The following GLT8D2 variants were observed in gnomAD, a reference collection of about 807,000 sequenced individuals.
The protein encoded by GLT8D2 is glycosyltransferase 8 domain containing 2, also known as glycosyltransferase 8 domain-containing protein 2.
A neutral mutation model predicts 44.5 loss-of-function variants in GLT8D2; 45 were observed. The ratio of observed to expected loss-of-function variants is 1.01; its 90% CI spans 0.80 to 1.30. The LOEUF is 1.30. Among genes scored for constraint, GLT8D2 ranks in the 50% most tolerant of loss-of-function variants. The pLI is 0.00. For synonymous variants in GLT8D2, 156 were observed against 157.2 expected (o/e 0.99, Z 0.06); for missense variants, 400 against 430.4 (o/e 0.93, Z 0.62).
chr12:104,035,129 A>G (rs1407551704), intron 1 of GLT8D2, among the ~76,000 whole-genome samples: 1 of 152,156 alleles, frequency 6.6e-6, no homozygotes, highest in African/African-American at 2.4e-5. Flanking sequence ...AACACCAACA[A>G]AAAGGACATC....
intron 1 of GLT8D2, among the ~76,000 whole-genome samples, chr12:104,029,542 C>T (rs373847352): frequency 6.6e-5 from 10 of 152,162 alleles, no homozygotes; most frequent in East Asian, 3.9e-4. Context: ...TGAGACAATG[C>T]TAATGTGGCT....
In GLT8D2 at chr12:103,996,826, TC is replaced by T. The variant is rs1262329362; in HGVS notation, c.508del (p.Asp170ThrfsTer24). On this transcript the variant is annotated frameshift_variant, in exon 8 of 11. Coordinates refer to ENST00000360814, the MANE Select transcript of GLT8D2 (RefSeq NM_001384711.1). LOFTEE classifies it high-confidence loss of function. ...IVQGDIQELY[D>X]TTLALGHAAA... ...CGCGTGGCCCAGGGCCAAGGTGGTG[TC>T]ATACAGTTCTTGGATATCACCTGAA... The T allele has an allele frequency of 6.2e-7, 1 of 1,613,068 alleles. No individual in the cohort carries two copies. Among genetic ancestry groups the T allele is most frequent in the Non-Finnish European group, 8.5e-7 (1 of 1,179,558 alleles).
intron 1 of GLT8D2, among the ~76,000 whole-genome samples, chr12:104,022,219 G>A (rs1296795932): frequency 2.0e-5 from 3 of 152,090 alleles, no homozygotes; most frequent in African/African-American, 2.4e-5. Flanking sequence ...TGTGGGATGA[G>A]AAAGTTTATC....
chr12:104,040,109 G>A (rs1880367057), intron 1 of GLT8D2, among the ~76,000 whole-genome samples: 5 of 152,132 alleles, frequency 3.3e-5, no homozygotes, highest in Admixed American at 3.3e-4. Context: ...AGAACACTAG[G>A]ACATAGGACA....
At chr12:104,050,900 C>A (rs1881656178), upstream of GLT8D2, among the ~76,000 whole-genome samples, 1 of 151,340 alleles carries the variant, frequency 6.6e-6, no homozygotes, top group African/African-American at 2.4e-5. Flanking sequence ...CTGCAACCTC[C>A]GCCTCCCCGG....
At position 104,010,809 on chromosome 12, in the gene GLT8D2, G is replaced by T. The variant is rs563254474; in HGVS notation, c.112+4204C>A. Among the ~76,000 whole-genome samples, 129 of 152,310 alleles carry T rather than the reference G, an allele frequency of 8.5e-4. 1 individual carries two copies. The highest frequency in any genetic ancestry group is 3.4e-3 in the Middle Eastern group (1 of 294). ...TGGAAGTGCTTAATGAAAGTTTGCT[G>T]GAATGAACTAAATGGAATTGATGAA... is the stretch of plus-strand genomic sequence containing the variant. On this transcript the variant is annotated intron_variant, in intron 4 of 10. Coordinates refer to ENST00000360814, the MANE Select transcript of GLT8D2 (RefSeq NM_001384711.1).
intron 1 of GLT8D2, among the ~76,000 whole-genome samples, chr12:104,022,080 A>AAAAAG (rs1877972346): frequency 1.5e-5 from 2 of 134,130 alleles, no homozygotes; most frequent in Non-Finnish European, 3.1e-5. Context: ...GAAAGAAAAA[A>AAAAAG]AAAGAAAGAA....
At chr12:104,010,210 C>A (rs1377051661) in intron 4 of GLT8D2, among the ~76,000 whole-genome samples, 6 of 152,068 alleles carry the variant, frequency 3.9e-5, no homozygotes. Flanking sequence ...GCCTGGCACA[C>A]AAGACCCCTC....
intron 1 of GLT8D2, among the ~76,000 whole-genome samples, chr12:104,047,011 T>C (rs898169539): frequency 6.6e-6 from 1 of 151,950 alleles, no homozygotes; most frequent in African/African-American, 2.4e-5. Context: ...ATTTTTTTTG[T>C]AGAGACAGAG....
intron 3 of GLT8D2, among the ~76,000 whole-genome samples, chr12:104,015,663 C>A (rs146584062): frequency 5.3e-4 from 81 of 152,204 alleles, no homozygotes; most frequent in African/African-American, 1.8e-3. Context: ...ATTTGTATAT[C>A]AGTTCTAATA....
At chr12:103,990,540 ACTTT>A (rs1476066928) in intron 10 of GLT8D2, among the ~76,000 whole-genome samples, 2 of 152,236 alleles carry the variant, frequency 1.3e-5, no homozygotes, top group East Asian at 1.9e-4. Flanking sequence ...ATAGTGTTCG[ACTTT>A]CTTTCCATGA....
At chr12:104,046,015 A>T (rs1449016791) in intron 1 of GLT8D2, among the ~76,000 whole-genome samples, 4 of 152,178 alleles carry the variant, frequency 2.6e-5, no homozygotes, top group African/African-American at 9.7e-5. Context: ...TGGTTATAGT[A>T]TGGTAGGGAG....
rs1312536091 is a variant in GLT8D2, at chr12:103,997,492, TG to T, written c.445del (p.His149ThrfsTer11). 3.1e-6 allele frequency: 5 copies of T among 1,613,672 alleles called. No homozygotes were observed. The African/African-American group carries it at 6.7e-5, about 22-fold the overall frequency. On this transcript the variant is annotated frameshift_variant, in exon 7 of 11. Coordinates refer to ENST00000360814, the MANE Select transcript of GLT8D2 (RefSeq NM_001384711.1). LOFTEE classifies it high-confidence loss of function. ...ATCGTCCAAATAGATGACTTTCTCG[TG>T]TTGGTGGATAAGTAGAGGGAGATAA... is the stretch of plus-strand genomic sequence containing the variant. ...RFYLPLLIHQ[H>X]EKVIYLDDDV...
chr12:104,059,471 A>T (rs1882445664), intron 1 of GLT8D2, among the ~76,000 whole-genome samples: 1 of 152,202 alleles, frequency 6.6e-6, no homozygotes, highest in Non-Finnish European at 1.5e-5. Flanking sequence ...AGGAAAGAGT[A>T]AGAGAAAGGA....
intron 4 of GLT8D2, among the ~76,000 whole-genome samples, chr12:104,006,836 C>A (rs1035765633): frequency 6.6e-6 from 1 of 152,142 alleles, no homozygotes; most frequent in African/African-American, 2.4e-5. Context: ...CTTACAGGAG[C>A]CAGTTGGCTA....
intron 1 of GLT8D2, among the ~76,000 whole-genome samples, chr12:104,027,680 T>C (rs1042838218): frequency 2.6e-5 from 4 of 152,224 alleles, no homozygotes; most frequent in Admixed American, 6.5e-5. Context: ...GTACATTATC[T>C]CCTTTAATTC....
In GLT8D2 at chr12:104,003,004, G is replaced by C. The variant is rs893829143; in HGVS notation, c.284+131C>G. Reference sequence around the variant, plus strand: ...AGAGAGAGAGACAGAAAGAGAGAGGGAGAGAAAGAGAGAAAGGGAGAGAAG... The same window carrying C: ...AGAGAGAGAGACAGAAAGAGAGAGGCAGAGAAAGAGAGAAAGGGAGAGAAG... On this transcript the variant is annotated intron_variant, in intron 5 of 10. Coordinates refer to ENST00000360814, the MANE Select transcript of GLT8D2 (RefSeq NM_001384711.1). 9.2e-6 allele frequency: 6 copies of C among 652,660 alleles called. No individual in the cohort carries two copies. In the African/African-American group the frequency reaches 9.4e-5, roughly 10 times the overall value. The allele number at this position is 652,660 out of a possible 1,614,324, so 40.4% of individuals were successfully genotyped here. A position where few individuals can be genotyped will look rare whatever the true frequency, so the allele number is the denominator to read the frequency against.
intron 9 of GLT8D2, 193 bp downstream of exon 9, chr12:103,994,142 A>T: frequency 4.8e-6 from 2 of 418,190 alleles, no homozygotes; most frequent in Non-Finnish European, 8.3e-6. Context: ...CAGGATCTTG[A>T]TTCCTCTGAT....
chr12:104,019,723 A>C lies in GLT8D2; in HGVS notation c.-28-47T>G, dbSNP rs1482192288. 7.8e-6 allele frequency: 10 copies of C among 1,274,026 alleles called. No homozygotes were observed. In the East Asian group the frequency reaches 2.3e-4, roughly 30 times the overall value. The allele number at this position is 1,274,026 out of a possible 1,614,324, so 78.9% of individuals were successfully genotyped here. On this transcript the variant is annotated intron_variant, in intron 2 of 10. Coordinates refer to ENST00000360814, the MANE Select transcript of GLT8D2 (RefSeq NM_001384711.1). The stretch of plus-strand genomic sequence containing the variant: ...ATCTGTTTAAAGGAGAATCAACTTA[A>C]AACTCATCAACAAGTGTTAAGGACT...
Sources: allele counts gnomAD v4.1 joint callset (sites outside exome capture counted in the v4.1 genomes callset), GRCh38; gene constraint gnomAD v4.1.1; transcripts MANE v1.5; gene names NCBI Gene and HGNC (gene_info 2026-07-23, HGNC 2026-07-21).